PAK5: variants seen among roughly 807,000 people sequenced by gnomAD.
PAK5 encodes the protein serine/threonine-protein kinase PAK 5.
Under a neutral mutation model 65.9 loss-of-function variants are expected in PAK5, and 16 were observed. The observed-to-expected ratio is 0.24, with a 90% CI of 0.16 to 0.37. The LOEUF is 0.37. Among genes scored for constraint, PAK5 ranks in the 10% least tolerant of loss-of-function variants. PAK5 has a pLI of 1.00. For missense variants in PAK5, 785 were observed against 903.9 expected (o/e 0.87, Z 1.69); for synonymous variants, 371 against 354.9 (o/e 1.05, Z -0.51).
Position 9,581,310 on chromosome 20 carries a change from A to G in PAK5, c.205-380T>C, listed in dbSNP as rs180844014. Among the ~76,000 whole-genome samples, 787 of 152,106 alleles carry G rather than the reference A, an allele frequency of 5.2e-3. 11 individuals carry two copies. The highest frequency in any genetic ancestry group is 0.018 in the African/African-American group (736 of 41,484). ...GATGAGCTGATAATTATAATTTAACACTCTATAACTGTTTGGTAATAAAAA... is the reference window on the plus strand; with the variant it reads ...GATGAGCTGATAATTATAATTTAACGCTCTATAACTGTTTGGTAATAAAAA... On this transcript the variant is annotated intron_variant, in intron 3 of 9. Coordinates refer to ENST00000353224, the MANE Select transcript of PAK5 (RefSeq NM_177990.4).
chr20:9,568,397 G>A (rs1387405307), intron 4 of PAK5, among the ~76,000 whole-genome samples: 1 of 152,148 alleles, frequency 6.6e-6, no homozygotes, highest in Admixed American at 6.5e-5. Context: ...AATCAAAGAT[G>A]GCTATCAGGA....
chr20:9,707,438 G>T (rs1406420734), intron 2 of PAK5, among the ~76,000 whole-genome samples: 1 of 152,114 alleles, frequency 6.6e-6, no homozygotes, highest in African/African-American at 2.4e-5. Context: ...ATCTTATTTG[G>T]CTAGGGAATA....
In PAK5 at chr20:9,670,221, T is replaced by G. The variant is rs567626745; in HGVS notation, c.-11-25882A>C. On this transcript the variant is annotated intron_variant, in intron 2 of 9. Transcript: ENST00000353224. ...AGTCTTTGCTATTGTGAATAGTGCC[T>G]CAATAAACATACATGTGCATGTGTC... 1.6e-4 allele frequency among the ~76,000 whole-genome samples: 25 copies of G among 152,264 alleles called. No homozygotes were observed. In the South Asian group the frequency reaches 4.6e-3, roughly 28 times the overall value.
chr20:9,732,477 T>A (rs2048344580), intron 1 of PAK5, among the ~76,000 whole-genome samples: 2 of 152,172 alleles, frequency 1.3e-5, no homozygotes, highest in African/African-American at 4.8e-5. Flanking sequence ...CACTCAGAAT[T>A]CCAGTACTCA....
chr20:9,678,925 G>A (rs923916756), intron 2 of PAK5, among the ~76,000 whole-genome samples: 1 of 152,102 alleles, frequency 6.6e-6, no homozygotes, highest in Admixed American at 6.5e-5. Flanking sequence ...AACCATATCA[G>A]AAGCCTTAGC....
At chr20:9,563,441 C>T (rs2045623366) in intron 5 of PAK5, among the ~76,000 whole-genome samples, 1 of 152,108 alleles carries the variant, frequency 6.6e-6, no homozygotes, top group African/African-American at 2.4e-5. Flanking sequence ...GGGAATGAGT[C>T]CCACAAGTGA....
At chr20:9,822,439 C>G (rs772968984) in intron 1 of PAK5, among the ~76,000 whole-genome samples, 7 of 152,148 alleles carry the variant, frequency 4.6e-5, no homozygotes, top group Non-Finnish European at 1.0e-4. Flanking sequence ...ATAATAACAG[C>G]TCCCTGCTTA....
At chr20:9,764,493 A>G (rs1163615319) in intron 1 of PAK5, among the ~76,000 whole-genome samples, 4 of 152,170 alleles carry the variant, frequency 2.6e-5, no homozygotes, top group Non-Finnish European at 4.4e-5. Context: ...TATCACTTTG[A>G]AGCCTATGCA....
intron 2 of PAK5, among the ~76,000 whole-genome samples, chr20:9,651,920 G>A (rs1374509355): frequency 6.6e-6 from 1 of 152,170 alleles, no homozygotes; most frequent in South Asian, 2.1e-4. Context: ...TATAATTACT[G>A]AACTATTAAG....
chr20:9,801,394 A>G (rs2049167232), intron 1 of PAK5, among the ~76,000 whole-genome samples: 1 of 151,468 alleles, frequency 6.6e-6, no homozygotes, highest in Admixed American at 6.6e-5. Context: ...TTCCCAAGTG[A>G]CTAATAAACT....
At chr20:9,670,865 T>G (rs1305985328) in intron 2 of PAK5, among the ~76,000 whole-genome samples, 1 of 152,228 alleles carries the variant, frequency 6.6e-6, no homozygotes, top group African/African-American at 2.4e-5. Flanking sequence ...ATGTCCTGAA[T>G]GGTATTGCCT....
chr20:9,661,748 G>A (rs991115864), intron 2 of PAK5, among the ~76,000 whole-genome samples: 1 of 152,024 alleles, frequency 6.6e-6, no homozygotes, highest in Admixed American at 6.6e-5. Context: ...CATTCTAAAG[G>A]CATTTATTTA....
intron 1 of PAK5, among the ~76,000 whole-genome samples, chr20:9,714,764 T>G (rs900970525): frequency 6.6e-5 from 10 of 152,168 alleles, no homozygotes; most frequent in Non-Finnish European, 1.0e-4. Context: ...ATCTGATCTT[T>G]GACAAACCTT....
At position 9,557,501 on chromosome 20, in the gene PAK5, T is replaced by C. The variant is rs1401660019; in HGVS notation, c.1743+107A>G. ...TCTGGGAAGAGAAGTAGGTGACTTG[T>C]GACTAAGAAAAATTAGAGTTATAAA... On this transcript the variant is annotated intron_variant, in intron 7 of 9. Coordinates refer to ENST00000353224, the MANE Select transcript of PAK5 (RefSeq NM_177990.4). 15 of 913,848 alleles carry C rather than the reference T, an allele frequency of 1.6e-5. No homozygotes were observed. In the South Asian group the frequency reaches 3.0e-4, roughly 18 times the overall value. 56.6% of individuals were successfully genotyped at this position (913,848 alleles called of 1,614,324 possible). A position where few individuals can be genotyped will look rare whatever the true frequency, so the allele number is the denominator to read the frequency against.
chr20:9,646,461 G>T, intron 2 of PAK5, among the ~76,000 whole-genome samples: 1 of 152,328 alleles, frequency 6.6e-6, no homozygotes, highest in Non-Finnish European at 1.5e-5. Context: ...GGAAAATATA[G>T]TTATAACTTA....
chr20:9,790,340 C>A (rs746005680), intron 1 of PAK5, among the ~76,000 whole-genome samples: 1 of 151,654 alleles, frequency 6.6e-6, no homozygotes, highest in Non-Finnish European at 1.5e-5. Flanking sequence ...TATAAAGGGG[C>A]CCCAGAAAAG....
chr20:9,707,806 G>GA (rs1331988190), intron 2 of PAK5, among the ~76,000 whole-genome samples: 1 of 152,128 alleles, frequency 6.6e-6, no homozygotes, highest in African/African-American at 2.4e-5. Context: ...TGGGAGTGAA[G>GA]CATCTGAGAC....
chr20:9,691,562 T>C (rs9941732), intron 2 of PAK5, among the ~76,000 whole-genome samples: 1,612 of 152,278 alleles, frequency 0.011, 32 homozygotes, highest in African/African-American at 0.037. Context: ...TTTGCATAGG[T>C]GTCCTTTCCT....
intron 3 of PAK5, among the ~76,000 whole-genome samples, chr20:9,639,991 C>T (rs1409192588): frequency 6.6e-6 from 1 of 152,186 alleles, no homozygotes; most frequent in Admixed American, 6.5e-5. Flanking sequence ...ATACTTTGTC[C>T]TAACCAAATA....
Sources: gnomAD v4.1 joint callset for allele counts (sites outside exome capture counted in the v4.1 genomes callset) on GRCh38, gnomAD v4.1.1 for gene constraint, MANE v1.5 for transcripts, NCBI Gene and HGNC (gene_info 2026-07-23, HGNC 2026-07-21) for gene names.